Variants in PCDHGB7 observed in about 807,000 individuals in gnomAD.
PCDHGB7 encodes the protein protocadherin gamma subfamily B, 7, also known as protocadherin gamma-B7.
Under a neutral mutation model 61.4 loss-of-function variants are expected in PCDHGB7, and 37 were observed. That is an observed-to-expected ratio of 0.60 (90% CI 0.46 to 0.79). The LOEUF is 0.79. PCDHGB7 is among the 30% of genes least tolerant of loss of function. The pLI, the probability that PCDHGB7 is intolerant of heterozygous loss-of-function variation, is 0.00. For synonymous variants in PCDHGB7, 464 were observed against 503.5 expected (o/e 0.92, Z 1.05); for missense variants, 1,166 against 1,202.5 (o/e 0.97, Z 0.45).
intron 1 of PCDHGB7, among the ~76,000 whole-genome samples, chr5:141,452,578 C>T (rs2098744735): frequency 6.6e-6 from 1 of 152,150 alleles, no homozygotes; most frequent in African/African-American, 2.4e-5. Flanking sequence ...TCCCCCTTTC[C>T]ATCTTTGTAT....
In PCDHGB7 at chr5:141,485,318, G is replaced by A. The variant is rs1318256454; in HGVS notation, c.2416-9489G>A. On this transcript the variant is annotated intron_variant, in intron 1 of 3. Transcript: ENST00000398594. The surrounding 1 kb of genome is among the most constrained non-coding windows in gnomAD (Gnocchi z 5.7). ...GGAAGGGACTTTTGTAGGGAATGTC[G>A]CTCAAGATTTCCTGCTGGATACGGA... 3 of 1,614,142 alleles carry A rather than the reference G, an allele frequency of 1.9e-6. No homozygotes were observed. The highest frequency in any genetic ancestry group is 2.5e-6 in the Non-Finnish European group (3 of 1,180,006).
chr5:141,468,458 G>A (rs1047447240), intron 1 of PCDHGB7: 3 of 152,134 alleles, frequency 2.0e-5, no homozygotes, highest in African/African-American at 7.2e-5. Flanking sequence ...ATTAAAGCAA[G>A]TTATTTCTGA....
chr5:141,446,222 G>C (rs74509878), intron 1 of PCDHGB7, among the ~76,000 whole-genome samples: 7,034 of 152,204 alleles, frequency 0.046, 244 homozygotes, highest in African/African-American at 0.093. Flanking sequence ...ATATTGTTGT[G>C]TTGCCTGGCA....
In PCDHGB7 at chr5:141,452,847, T is replaced by G. The variant is rs575815407; in HGVS notation, c.2415+32573T>G. Among the ~76,000 whole-genome samples, 42 of 152,304 alleles carry G rather than the reference T, an allele frequency of 2.8e-4. 1 individual carries two copies. Among genetic ancestry groups the G allele is most frequent in the Admixed American group, 2.5e-3 (38 of 15,302 alleles). ...AAATCACTTGGTCCAGCCCACACTC[T>G]GGGGAGATGATTTTCTAACTCCATT... On this transcript the variant is annotated intron_variant, in intron 1 of 3. Coordinates refer to ENST00000398594, the MANE Select transcript of PCDHGB7 (RefSeq NM_018927.4).
chr5:141,418,727 C>T lies in PCDHGB7; in HGVS notation c.868C>T (p.His290Tyr). ...SFFGVADKAQHVFSLDYTTGN... is the reference protein window; with the variant it reads ...SFFGVADKAQYVFSLDYTTGN... ...CTTTGGTGTGGCTGACAAAGCTCAG[C>T]ACGTGTTCTCTCTGGATTACACTAC... is the stretch of plus-strand genomic sequence containing the variant. Residue 290 changes from histidine to tyrosine, a missense_variant, in exon 1 of 4, where the codon CAC becomes TAC. Transcript: ENST00000398594. 1 of 1,613,976 alleles carries T rather than the reference C, an allele frequency of 6.2e-7. No homozygotes were observed. The highest frequency in any genetic ancestry group is 8.5e-7 in the Non-Finnish European group (1 of 1,179,854).
rs61612330 is a variant in PCDHGB7, at chr5:141,454,796, A to ATTTTTTTTTTTTTTTTTTTTTTTTTT, written c.2415+34526_2415+34551dup. Among the ~76,000 whole-genome samples, 3 of 77,456 alleles carry ATTTTTTTTTTTTTTTTTTTTTTTTTT rather than the reference A, an allele frequency of 3.9e-5. 1 individual carries two copies. The highest frequency in any genetic ancestry group is 1.2e-4 in the African/African-American group (2 of 16,882). 50.8% of individuals were successfully genotyped at this position (77,456 alleles called of 152,430 possible). A position where few individuals can be genotyped will look rare whatever the true frequency, so the allele number is the denominator to read the frequency against. On this transcript the variant is annotated intron_variant, in intron 1 of 3. Transcript: ENST00000398594. Reference sequence around the variant, plus strand: ...AAGGAAATAATCCTCCATGGTTCTAATTTTTTTTTTTTTTTTTTTTTTTTT... The same window carrying ATTTTTTTTTTTTTTTTTTTTTTTTTT: ...AAGGAAATAATCCTCCATGGTTCTAATTTTTTTTTTTTTTTTTTTTTTTTTTTTTTTTTTTTTTTTTTTTTTTTTTT...
At chr5:141,450,702 G>A (rs1466981422) in intron 1 of PCDHGB7, among the ~76,000 whole-genome samples, 1 of 152,026 alleles carries the variant, frequency 6.6e-6, no homozygotes, top group Non-Finnish European at 1.5e-5. Flanking sequence ...GCCCAGGATG[G>A]TCTCCAACTC....
Position 141,418,145 on chromosome 5 carries a change from T to C in PCDHGB7, c.286T>C (p.Cys96Arg), listed in dbSNP as rs1329322927. Residue 96 changes from cysteine (C) to arginine (R), a missense_variant, in exon 1 of 4, where the codon TGC becomes CGC. Coordinates refer to ENST00000398594, the MANE Select transcript of PCDHGB7 (RefSeq NM_018927.4). The part of the protein sequence containing the change: ...VKDRIDREQI[C>R]KERRRCELQL... ...GGACCGAATAGACCGTGAGCAAATATGCAAAGAGAGAAGAAGATGTGAGTT... is the reference window on the plus strand; with the variant it reads ...GGACCGAATAGACCGTGAGCAAATACGCAAAGAGAGAAGAAGATGTGAGTT... The C allele has an allele frequency of 5.6e-6, 9 of 1,613,934 alleles. No homozygotes were observed. In the African/African-American group the frequency reaches 8.0e-5, roughly 14 times the overall value.
chr5:141,450,569 T>G (rs1325535745), intron 1 of PCDHGB7, among the ~76,000 whole-genome samples: 1 of 149,800 alleles, frequency 6.7e-6, no homozygotes, highest in African/African-American at 2.5e-5. Flanking sequence ...TCACTGCAAC[T>G]TCTGCCTCCC....
At chr5:141,450,790 A>G (rs2098694056) in intron 1 of PCDHGB7, among the ~76,000 whole-genome samples, 1 of 148,832 alleles carries the variant, frequency 6.7e-6, no homozygotes, top group Admixed American at 6.7e-5. Context: ...CCCGGACCTC[A>G]TGATTGTATT....
chr5:141,433,582 T>TCCCA (rs758953161), intron 1 of PCDHGB7, among the ~76,000 whole-genome samples: 4 of 151,942 alleles, frequency 2.6e-5, no homozygotes, highest in Non-Finnish European at 5.9e-5. Flanking sequence ...ACGCCTGTAA[T>TCCCA]CCCAGTACTT....
intron 1 of PCDHGB7, among the ~76,000 whole-genome samples, chr5:141,436,199 A>G (rs576607542): frequency 7.2e-5 from 11 of 152,282 alleles, no homozygotes; most frequent in East Asian, 5.8e-4. Context: ...AAAGAAAGAC[A>G]TAATAGGAAA....
At position 141,491,597 on chromosome 5, in the gene PCDHGB7, A is replaced by T. The variant is rs1389838814; in HGVS notation, c.2416-3210A>T. Reference sequence around the variant, plus strand: ...TTTTCACCGGCCTCGGACGGCAGTGACTTCACTTTTCTAAGACCCCTCAGC... The same window carrying T: ...TTTTCACCGGCCTCGGACGGCAGTGTCTTCACTTTTCTAAGACCCCTCAGC... On this transcript the variant is annotated intron_variant, in intron 1 of 3. Coordinates refer to ENST00000398594, the MANE Select transcript of PCDHGB7 (RefSeq NM_018927.4). This position sits in a 1 kb window ranked among gnomAD's most constrained non-coding sequence, Gnocchi z 6.9. 1.2e-6 allele frequency: 2 copies of T among 1,613,788 alleles called. No individual in the cohort carries two copies. The highest frequency in any genetic ancestry group is 1.7e-6 in the Non-Finnish European group (2 of 1,180,012).
chr5:141,494,752 T>C (rs889400984), intron 1 of PCDHGB7, 55 bp from the exon 2 acceptor site: 18 of 1,612,206 alleles, frequency 1.1e-5, no homozygotes, highest in Non-Finnish European at 1.5e-5. Context: ...GGGGCTCGGG[T>C]GACATTCTAA....
chr5:141,425,881 A>T (rs911454948), intron 1 of PCDHGB7, among the ~76,000 whole-genome samples: 1 of 152,230 alleles, frequency 6.6e-6, no homozygotes, highest in Non-Finnish European at 1.5e-5. Flanking sequence ...TCTCTAAGGA[A>T]TCTTCTTTGG....
chr5:141,449,588 CAAA>C (rs768743917), intron 1 of PCDHGB7, among the ~76,000 whole-genome samples: 1 of 57,486 alleles, frequency 1.7e-5, no homozygotes, highest in Non-Finnish European at 3.7e-5. Context: ...GACTCTGTCT[CAAA>C]AAAAAAAAAA....
At chr5:141,437,426 C>G (rs531265278) in intron 1 of PCDHGB7, among the ~76,000 whole-genome samples, 2 of 152,150 alleles carry the variant, frequency 1.3e-5, no homozygotes, top group Non-Finnish European at 2.9e-5. Context: ...CTTTTTGAAG[C>G]AGCAATAGCA....
At chr5:141,497,079 C>T (rs564690352) in intron 2 of PCDHGB7, among the ~76,000 whole-genome samples, 2 of 151,982 alleles carry the variant, frequency 1.3e-5, no homozygotes, top group African/African-American at 4.8e-5. Flanking sequence ...ATCCCAGCGA[C>T]TTAGGAGGCT....
chr5:141,460,505 A>T (rs1430823912), intron 1 of PCDHGB7, among the ~76,000 whole-genome samples: 1 of 152,150 alleles, frequency 6.6e-6, no homozygotes, highest in Non-Finnish European at 1.5e-5. Context: ...ATATGCTGAG[A>T]AGGCTATCTT....
Sources: gnomAD v4.1 joint callset for allele counts (sites outside exome capture counted in the v4.1 genomes callset) on GRCh38, gnomAD v4.1.1 for gene constraint, Gnocchi (gnomAD v3.1) non-coding constraint, MANE v1.5 for transcripts, NCBI Gene and HGNC (gene_info 2026-07-23, HGNC 2026-07-21) for gene names.